Variants in KCNN2 observed in about 807,000 individuals in gnomAD.
The protein encoded by KCNN2 is potassium calcium-activated channel subfamily N member 2, also known as small conductance calcium-activated potassium channel protein 2.
In KCNN2, 24 loss-of-function variants were observed where a neutral mutation model predicts 55.5. The ratio of observed to expected loss-of-function variants is 0.43; its 90% CI spans 0.31 to 0.61. The LOEUF (loss-of-function observed/expected upper bound fraction) is 0.61, where lower values mean the gene tolerates loss of function less well. Among genes scored for constraint, KCNN2 ranks in the 20% least tolerant of loss-of-function variants. The pLI is 0.08. For synonymous variants in KCNN2, 431 were observed against 336.1 expected (o/e 1.28, Z -3.09); for missense variants, 754 against 853.6 (o/e 0.88, Z 1.45).
At chr5:114,234,536 A>G (rs189471336) in intron 2 of KCNN2, among the ~76,000 whole-genome samples, 1 of 152,288 alleles carries the variant, frequency 6.6e-6, no homozygotes, top group East Asian at 1.9e-4. Flanking sequence ...ACATATTCCA[A>G]ATGAATTGGG....
chr5:114,465,681 A>G (rs1761413083), intron 4 of KCNN2, among the ~76,000 whole-genome samples: 1 of 152,038 alleles, frequency 6.6e-6, no homozygotes, highest in Non-Finnish European at 1.5e-5. Context: ...TGTTATATGT[A>G]ATGGAATTTA....
At chr5:114,303,587 A>C (rs1457913737) in intron 2 of KCNN2, among the ~76,000 whole-genome samples, 1 of 152,202 alleles carries the variant, frequency 6.6e-6, no homozygotes, top group African/African-American at 2.4e-5. Context: ...ATGACAGTAC[A>C]TTATTTGGGC....
chr5:114,232,922 C>CTCGTTTTTTTT (rs200715120), intron 2 of KCNN2, among the ~76,000 whole-genome samples: 21 of 44,040 alleles, frequency 4.8e-4, no homozygotes, highest in South Asian at 2.3e-3. Context: ...TATATTGTTT[C>CTCGTTTTTTTT]TTGTTTTTTT....
intron 5 of KCNN2, among the ~76,000 whole-genome samples, chr5:114,479,700 AAT>A (rs1762138330): frequency 6.6e-6 from 1 of 152,198 alleles, no homozygotes; most frequent in Admixed American, 6.5e-5. Flanking sequence ...AGTGCAATCA[AAT>A]TAGAACACAA....
chr5:114,107,168 T>C (rs558439041), intron 1 of KCNN2, among the ~76,000 whole-genome samples: 200 of 152,242 alleles, frequency 1.3e-3, no homozygotes, highest in African/African-American at 4.6e-3. Context: ...CTCACTGCAC[T>C]GTAGTAGCAT....
chr5:114,193,189 C>T (rs1753484444), intron 1 of KCNN2, among the ~76,000 whole-genome samples: 1 of 152,030 alleles, frequency 6.6e-6, no homozygotes, highest in African/African-American at 2.4e-5. Flanking sequence ...CAAATGTCTC[C>T]CCTGCATGAC....
At chr5:114,441,063 AG>A (rs1208989680) in intron 3 of KCNN2, among the ~76,000 whole-genome samples, 1 of 152,200 alleles carries the variant, frequency 6.6e-6, no homozygotes, top group Non-Finnish European at 1.5e-5. Context: ...TGATAAAGAT[AG>A]TGTTAAAAGC....
chr5:114,132,427 G>T (rs777257630), intron 1 of KCNN2, among the ~76,000 whole-genome samples: 3 of 152,166 alleles, frequency 2.0e-5, no homozygotes, highest in Non-Finnish European at 4.4e-5. Context: ...GTTTGTCGAA[G>T]ATCAGATGGT....
chr5:114,247,233 A>C (rs1754766358), intron 2 of KCNN2, among the ~76,000 whole-genome samples: 1 of 150,742 alleles, frequency 6.6e-6, no homozygotes, highest in Non-Finnish European at 1.5e-5. Flanking sequence ...AGAAAAGAAA[A>C]GAAAGAGTGA....
intron 5 of KCNN2, chr5:114,486,767 A>T (rs1158978930): frequency 7.6e-7 from 1 of 1,319,136 alleles, no homozygotes; most frequent in Non-Finnish European, 9.9e-7. Context: ...GATTAAAAAA[A>T]AAAAATAGTT....
intron 2 of KCNN2, among the ~76,000 whole-genome samples, chr5:114,383,515 C>G (rs1235923598): frequency 2.2e-5 from 3 of 138,718 alleles, no homozygotes; most frequent in Non-Finnish European, 3.0e-5. Flanking sequence ...GTCACCCAGG[C>G]TGGAGTGCAG....
intron 5 of KCNN2, among the ~76,000 whole-genome samples, chr5:114,478,743 T>C (rs1360716829): frequency 1.3e-5 from 2 of 152,160 alleles, no homozygotes; most frequent in East Asian, 1.9e-4. Context: ...TGGGGGCCCA[T>C]ATTCAACATT....
intron 2 of KCNN2, among the ~76,000 whole-genome samples, chr5:114,383,464 C>CTT (rs66787954): frequency 8.6e-3 from 882 of 102,582 alleles, no homozygotes; most frequent in East Asian, 0.012. Context: ...CCACTAAATG[C>CTT]TTTTTTTTTT....
chr5:114,383,751 A>G (rs1038564819), intron 2 of KCNN2, among the ~76,000 whole-genome samples: 5 of 152,322 alleles, frequency 3.3e-5, no homozygotes, highest in East Asian at 3.9e-4. Flanking sequence ...TACAGGCATG[A>G]GCCACCATGC....
chr5:114,438,783 C>G (rs1240905240), intron 3 of KCNN2, among the ~76,000 whole-genome samples: 1 of 152,092 alleles, frequency 6.6e-6, no homozygotes, highest in Non-Finnish European at 1.5e-5. Flanking sequence ...TTCTATTTTC[C>G]CCTATTTGCC....
rs142045697 is a variant in KCNN2, at chr5:114,098,990, T to G, written c.-271+42490T>G. 3.2e-4 allele frequency among the ~76,000 whole-genome samples: 48 copies of G among 152,296 alleles called. 1 individual carries two copies. In the East Asian group the frequency reaches 9.3e-3, roughly 29 times the overall value. On this transcript the variant is annotated intron_variant, in intron 1 of 10. Coordinates refer to the KCNN2 transcript ENST00000512097. ...AAATATCCCTCCCAGCTATAAAATT[T>G]GTATAACACAAAACATTTATTTATA...
chr5:114,458,098 A>G lies in KCNN2; in HGVS notation c.1638-4951A>G, dbSNP rs553035369. ...TGTTGGTTTACACCTTTTAAAAAAA[A>G]TGCATTGCTGTCACTTTAATGGTAT... On this transcript the variant is annotated intron_variant, in intron 3 of 7. Transcript: ENST00000673685. Among the ~76,000 whole-genome samples the G allele has an allele frequency of 2.0e-5, 3 of 152,282 alleles. No homozygotes were observed. The East Asian group carries it at 5.8e-4, about 29-fold the overall frequency.
intron 2 of KCNN2, among the ~76,000 whole-genome samples, chr5:114,398,943 CAG>C (rs1392237753): frequency 6.6e-6 from 1 of 152,112 alleles, no homozygotes; most frequent in Non-Finnish European, 1.5e-5. Flanking sequence ...AACTTTTGTG[CAG>C]AGACTATGGA....
In KCNN2 at chr5:114,162,603, G is replaced by C. The variant is rs188099035; in HGVS notation, c.-270-58877G>C. On this transcript the variant is annotated intron_variant, in intron 1 of 10. Transcript: ENST00000512097. ...TGTCTGTGCCCTGCCGCCAGAGTTGGACCCTACAGAAGCAGGCAGGCCTCC... is the reference window on the plus strand; with the variant it reads ...TGTCTGTGCCCTGCCGCCAGAGTTGCACCCTACAGAAGCAGGCAGGCCTCC... 4.7e-3 allele frequency among the ~76,000 whole-genome samples: 712 copies of C among 152,274 alleles called. 5 individuals are homozygous for C. The highest frequency in any genetic ancestry group is 7.5e-3 in the Non-Finnish European group (511 of 68,012).
Sources: gnomAD v4.1 joint callset for allele counts (sites outside exome capture counted in the v4.1 genomes callset) on GRCh38, gnomAD v4.1.1 for gene constraint, MANE v1.5 for transcripts, NCBI Gene and HGNC (gene_info 2026-07-23, HGNC 2026-07-21) for gene names.